The following LRRC4C variants were observed in gnomAD, a reference collection of about 807,000 sequenced individuals.
LRRC4C encodes leucine-rich repeat-containing protein 4C.
A neutral mutation model predicts 33.6 loss-of-function variants in LRRC4C; 5 were observed. The observed-to-expected ratio is 0.15, with a 90% confidence interval of 0.08 to 0.31. LRRC4C has a LOEUF of 0.31. Ranked by LOEUF, LRRC4C falls within the 10% of genes least tolerant of loss-of-function variation. The pLI, the probability that LRRC4C is intolerant of heterozygous loss-of-function variation, is 1.00. For synonymous variants in LRRC4C, 329 were observed against 302.0 expected (o/e 1.09, Z -0.93); for missense variants, 560 against 796.7 (o/e 0.70, Z 3.58).
chr11:40,250,060 G>A (rs1866661989), intron 4 of LRRC4C, among the ~76,000 whole-genome samples: 1 of 152,160 alleles, frequency 6.6e-6, no homozygotes, highest in African/African-American at 2.4e-5. Context: ...TTCTTGTTCT[G>A]TAAATGACTA....
At chr11:41,043,510 C>A (rs1857575417) in intron 1 of LRRC4C, among the ~76,000 whole-genome samples, 1 of 151,852 alleles carries the variant, frequency 6.6e-6, no homozygotes. Context: ...CTTACTTTTC[C>A]AAATCAATAA....
rs1417722412 is a variant in LRRC4C at position 40,116,029 on chromosome 11, G to T, written c.264C>A (p.Ile88=). 6.2e-6 allele frequency: 10 copies of T among 1,614,086 alleles called. No individual in the cohort carries two copies. The highest frequency in any genetic ancestry group is 8.5e-6 in the Non-Finnish European group (10 of 1,180,004). ...TRLLNLHENQ[I]QIIKVNSFKH... ...TGAAGCTGTTCACTTTGATGATCTG[G>T]ATTTGGTTCTCATGGAGGTTCAGCA... Residue 88 remains isoleucine (I), a synonymous_variant, in exon 7 of 7, where the codon ATC becomes ATA. Coordinates refer to ENST00000528697, the MANE Select transcript of LRRC4C (RefSeq NM_001258419.2).
At chr11:40,347,639 G>A (rs949265789) in intron 3 of LRRC4C, among the ~76,000 whole-genome samples, 5 of 152,022 alleles carry the variant, frequency 3.3e-5, no homozygotes, top group African/African-American at 9.7e-5. Context: ...ACGGAGTTTC[G>A]CTCTTGTTGC....
In LRRC4C at chr11:41,120,319, G is replaced by A. The variant is rs557888262; in HGVS notation, c.-495-186596C>T. Reference sequence around the variant, plus strand: ...TCCAACAAATATCTATTGAGTTCCAGGCATAGTATTCAGTATTTGTCATTG... The same window carrying A: ...TCCAACAAATATCTATTGAGTTCCAAGCATAGTATTCAGTATTTGTCATTG... On this transcript the variant is annotated intron_variant, in intron 1 of 6. Coordinates refer to ENST00000528697, the MANE Select transcript of LRRC4C (RefSeq NM_001258419.2). Among the ~76,000 whole-genome samples the A allele has an allele frequency of 5.9e-5, 9 of 152,272 alleles. No homozygotes were observed. The East Asian group carries it at 1.5e-3, about 26-fold the overall frequency.
intron 3 of LRRC4C, among the ~76,000 whole-genome samples, chr11:40,374,827 T>G (rs559247898): frequency 1.3e-5 from 2 of 152,222 alleles, no homozygotes; most frequent in East Asian, 3.9e-4. Context: ...TCCTACAAAT[T>G]TTAATGAAGG....
chr11:40,627,490 A>G (rs1451858901), intron 3 of LRRC4C, among the ~76,000 whole-genome samples: 2 of 152,132 alleles, frequency 1.3e-5, no homozygotes, highest in Non-Finnish European at 2.9e-5. Context: ...TGTAAAATAA[A>G]ATTTTTGAGG....
At chr11:41,105,309 T>C (rs1260332994) in intron 1 of LRRC4C, among the ~76,000 whole-genome samples, 1 of 152,050 alleles carries the variant, frequency 6.6e-6, no homozygotes, top group East Asian at 1.9e-4. Flanking sequence ...AGTCTAAGCA[T>C]CATCCCATCC....
chr11:41,442,079 T>TTATAATTATGCA (rs1955638391), intron 1 of LRRC4C, among the ~76,000 whole-genome samples: 1 of 152,218 alleles, frequency 6.6e-6, no homozygotes, highest in Non-Finnish European at 1.5e-5. Flanking sequence ...TGAAGCTGCC[T>TTATAATTATGCA]TATAATTATG....
At chr11:40,599,373 C>G (rs533454558) in intron 3 of LRRC4C, among the ~76,000 whole-genome samples, 40 of 152,200 alleles carry the variant, frequency 2.6e-4, no homozygotes, top group African/African-American at 8.9e-4. Context: ...ATAGCTTGAG[C>G]CTAGGTCAAG....
At chr11:40,321,243 C>T (rs539031404) in intron 3 of LRRC4C, among the ~76,000 whole-genome samples, 2 of 152,156 alleles carry the variant, frequency 1.3e-5, no homozygotes, top group African/African-American at 4.8e-5. Context: ...TTGAAATGTT[C>T]ATATTTAATT....
At chr11:41,052,513 AC>A (rs1480099031) in intron 1 of LRRC4C, among the ~76,000 whole-genome samples, 1 of 151,524 alleles carries the variant, frequency 6.6e-6, no homozygotes, top group African/African-American at 2.4e-5. Flanking sequence ...GTCTCTGTTC[AC>A]TTTCGTATTT....
At chr11:40,467,087 C>G (rs900656820) in intron 3 of LRRC4C, among the ~76,000 whole-genome samples, 1 of 151,998 alleles carries the variant, frequency 6.6e-6, no homozygotes, top group African/African-American at 2.4e-5. Context: ...TTTTCAGAAA[C>G]GGATTGCCAA....
At chr11:40,192,026 T>G (rs1590665726) in intron 5 of LRRC4C, among the ~76,000 whole-genome samples, 1 of 152,296 alleles carries the variant, frequency 6.6e-6, no homozygotes, top group South Asian at 2.1e-4. Context: ...TATTTGAATA[T>G]GAGTTATGAT....
intron 2 of LRRC4C, among the ~76,000 whole-genome samples, chr11:40,676,454 G>T (rs1230351403): frequency 2.0e-5 from 3 of 152,178 alleles, no homozygotes; most frequent in Non-Finnish European, 4.4e-5. Context: ...AATCTCATCA[G>T]GCAAACATAC....
intron 3 of LRRC4C, among the ~76,000 whole-genome samples, chr11:40,384,099 A>T (rs574682470): frequency 1.3e-5 from 2 of 151,794 alleles, no homozygotes; most frequent in African/African-American, 4.8e-5. Flanking sequence ...TTTTTTAGTT[A>T]CATGTAATCC....
chr11:40,210,735 A>G (rs113087801), intron 5 of LRRC4C, among the ~76,000 whole-genome samples: 9,916 of 152,042 alleles, frequency 0.065, 1,049 homozygotes, highest in African/African-American at 0.22. Flanking sequence ...TGTCTCTCTC[A>G]CTCGGAATGT....
intron 4 of LRRC4C, among the ~76,000 whole-genome samples, chr11:40,269,873 AT>A (rs1286353352): frequency 1.3e-5 from 2 of 152,162 alleles, no homozygotes; most frequent in Non-Finnish European, 2.9e-5. Context: ...CATCTGGCTA[AT>A]AAGTCTTTTC....
chr11:41,436,777 C>T (rs574988020), intron 1 of LRRC4C, among the ~76,000 whole-genome samples: 125 of 152,280 alleles, frequency 8.2e-4, no homozygotes, highest in Middle Eastern at 3.4e-3. Context: ...CCTATACCAA[C>T]GTTTCTCAAA....
At chr11:40,915,666 T>A (rs552709004) in intron 2 of LRRC4C, among the ~76,000 whole-genome samples, 1 of 151,380 alleles carries the variant, frequency 6.6e-6, no homozygotes, top group African/African-American at 2.4e-5. Flanking sequence ...ACACCAAAAG[T>A]AATGGCAACA....
Sources: gnomAD v4.1 joint callset for allele counts (sites outside exome capture counted in the v4.1 genomes callset) on GRCh38, gnomAD v4.1.1 for gene constraint, MANE v1.5 for transcripts, NCBI Gene and HGNC (gene_info 2026-07-23, HGNC 2026-07-21) for gene names.